GRAMD1B: variants seen among roughly 807,000 people sequenced by gnomAD.
The protein encoded by GRAMD1B is GRAM domain containing 1B, also known as protein Aster-B.
GRAMD1B carries 37 observed loss-of-function variants against 99.7 expected under a neutral mutation model. That is an observed-to-expected ratio of 0.37 (90% CI 0.29 to 0.49). The LOEUF (loss-of-function observed/expected upper bound fraction) is 0.49, where lower values mean the gene tolerates loss of function less well. Ranked by LOEUF, GRAMD1B falls within the 20% of genes least tolerant of loss-of-function variation. The pLI is 0.98. For synonymous variants in GRAMD1B, 427 were observed against 387.6 expected, an observed-to-expected ratio of 1.10 and a Z score of -1.19; for missense variants, 888 against 1,009.2, an observed-to-expected ratio of 0.88 and a Z score of 1.63.
At chr11:123,369,725 A>G (rs542039451) in intron 1 of GRAMD1B, among the ~76,000 whole-genome samples, 3 of 151,874 alleles carry the variant, frequency 2.0e-5, no homozygotes, top group East Asian at 3.9e-4. Context: ...TACAAAAATT[A>G]GCTGGGTGTG....
At chr11:123,586,657 C>T (rs950309807) in intron 4 of GRAMD1B, among the ~76,000 whole-genome samples, 11 of 152,186 alleles carry the variant, frequency 7.2e-5, no homozygotes, top group Non-Finnish European at 1.5e-4. Context: ...CCGCAGCACC[C>T]CTCCACAGCT....
intron 14 of GRAMD1B, among the ~76,000 whole-genome samples, 188 bp from the exon 15 acceptor site, chr11:123,612,573 A>G (rs1456578874): frequency 6.6e-6 from 1 of 152,190 alleles, no homozygotes; most frequent in Non-Finnish European, 1.5e-5. Context: ...TTTCTTATCT[A>G]TAAAATGGGG....
At chr11:123,454,979 T>C (rs1246374723) in intron 1 of GRAMD1B, 1 of 152,254 alleles carries the variant, frequency 6.6e-6, no homozygotes, top group Non-Finnish European at 1.5e-5. Flanking sequence ...AGAAATGCTT[T>C]AACTTGTTAT....
At chr11:123,369,037 G>A (rs1364130663) in intron 1 of GRAMD1B, among the ~76,000 whole-genome samples, 1 of 152,196 alleles carries the variant, frequency 6.6e-6, no homozygotes, top group Admixed American at 6.5e-5. Flanking sequence ...ACTCATACCT[G>A]TAATCCCAGC....
intron 2 of GRAMD1B, chr11:123,526,037 A>C: frequency 1.1e-6 from 1 of 888,156 alleles, no homozygotes; most frequent in South Asian, 1.4e-5. Flanking sequence ...GTCACATTAC[A>C]TGGGATTCTG....
At chr11:123,475,694 C>T (rs182640669) in intron 1 of GRAMD1B, among the ~76,000 whole-genome samples, 1 of 152,224 alleles carries the variant, frequency 6.6e-6, no homozygotes, top group South Asian at 2.1e-4. Flanking sequence ...TTCCAACAGA[C>T]AGTTTCATCT....
intron 2 of GRAMD1B, among the ~76,000 whole-genome samples, chr11:123,506,296 G>A (rs996734990): frequency 3.9e-5 from 6 of 152,104 alleles, no homozygotes; most frequent in African/African-American, 1.4e-4. Context: ...GTCCAGCCTC[G>A]GAGCTGTCCT....
intron 1 of GRAMD1B, among the ~76,000 whole-genome samples, chr11:123,463,258 C>T (rs540764446): frequency 1.3e-5 from 2 of 152,356 alleles, no homozygotes; most frequent in South Asian, 4.1e-4. Flanking sequence ...AGTGATCCAC[C>T]CGCCTTGGCT....
intron 1 of GRAMD1B, among the ~76,000 whole-genome samples, chr11:123,433,857 A>G (rs1202187540): frequency 6.6e-6 from 1 of 152,126 alleles, no homozygotes; most frequent in Admixed American, 6.6e-5. Context: ...ATTTGGGGAC[A>G]TATCCTTAAA....
chr11:123,481,976 G>T lies in GRAMD1B; in HGVS notation c.452+1083G>T, dbSNP rs549813726. Among the ~76,000 whole-genome samples the T allele has an allele frequency of 2.6e-5, 4 of 152,264 alleles. No homozygotes were observed. The South Asian group carries it at 8.3e-4, about 32-fold the overall frequency. On this transcript the variant is annotated intron_variant, in intron 2 of 19. Coordinates refer to ENST00000635736, the MANE Select transcript of GRAMD1B (RefSeq NM_001387025.1). ...ACTTATGGTGGACCCTCTGCTGAGA[G>T]GGGGTAGAGAACACCAAGGATGATA...
intron 1 of GRAMD1B, among the ~76,000 whole-genome samples, chr11:123,372,144 T>C (rs1020603720): frequency 6.6e-6 from 1 of 152,228 alleles, no homozygotes; most frequent in African/African-American, 2.4e-5. Flanking sequence ...GTTATTACAG[T>C]AGGAGACTAA....
intron 1 of GRAMD1B, among the ~76,000 whole-genome samples, chr11:123,446,952 A>T (rs1484065203): frequency 6.6e-6 from 1 of 151,998 alleles, no homozygotes. Context: ...AAAGAAAGGG[A>T]GAAAGAGAGA....
rs1955528358 is a variant in GRAMD1B, at chr11:123,626,739, G to A, written c.*4144G>A. On this transcript the variant is annotated 3_prime_UTR_variant, in exon 20 of 20. Transcript: ENST00000635736. ...ATCCCATTCACCACTTGACATCCTT[G>A]ACATCCTTGACTTTCATTCCCCCAA... 6.6e-6 allele frequency: 1 copy of A among 152,290 alleles called. No homozygotes were observed. The highest frequency in any genetic ancestry group is 2.4e-5 in the African/African-American group (1 of 41,436). The allele number at this position is 152,290 out of a possible 1,614,324, so 9.4% of individuals were successfully genotyped here. A position where few individuals can be genotyped will look rare whatever the true frequency, so the allele number is the denominator to read the frequency against.
chr11:123,598,102 C>A (rs986296249), intron 7 of GRAMD1B: 10 of 1,587,706 alleles, frequency 6.3e-6, no homozygotes, highest in Admixed American at 1.7e-5. Flanking sequence ...TAATCTGTGT[C>A]ACATTAGCAA....
In GRAMD1B at chr11:123,513,573, C is replaced by CT. The variant is rs1200134000; in HGVS notation, c.452+32682dup. ...CTTTCTTTCCTTCCTTCCTTCCTTC[C>CT]TTCCTTTCCTTCCTTCCTTCCTTCC... On this transcript the variant is annotated intron_variant, in intron 2 of 19. Transcript: ENST00000635736. Among the ~76,000 whole-genome samples, 743 of 95,154 alleles carry CT rather than the reference C, an allele frequency of 7.8e-3. 5 individuals carry two copies. The highest frequency in any genetic ancestry group is 0.02 in the African/African-American group (426 of 21,762). The allele number at this position is 95,154 out of a possible 152,430, so 62.4% of individuals were successfully genotyped here.
intron 1 of GRAMD1B, among the ~76,000 whole-genome samples, chr11:123,394,711 C>A (rs905718231): frequency 5.3e-5 from 8 of 152,146 alleles, no homozygotes; most frequent in Admixed American, 3.3e-4. Flanking sequence ...GCTGCTATAA[C>A]CGAATACCAC....
intron 1 of GRAMD1B, among the ~76,000 whole-genome samples, chr11:123,403,448 G>GATGATAATGATA (rs1251720908): frequency 2.2e-5 from 3 of 139,178 alleles, no homozygotes; most frequent in African/African-American, 8.1e-5. Context: ...TGATGATGAT[G>GATGATAATGATA]ATAATAATAA....
intron 19 of GRAMD1B, among the ~76,000 whole-genome samples, chr11:123,621,188 C>G (rs1404131788): frequency 1.3e-5 from 2 of 152,150 alleles, no homozygotes; most frequent in African/African-American, 4.8e-5. Context: ...GTAGATTAAG[C>G]AGAGAGACCA....
intron 1 of GRAMD1B, among the ~76,000 whole-genome samples, chr11:123,453,840 G>A (rs1159842836): frequency 2.0e-5 from 3 of 152,212 alleles, no homozygotes; most frequent in African/African-American, 7.2e-5. Context: ...CCCAAAGAGG[G>A]CTGAGCAATG....
Sources: allele counts gnomAD v4.1 joint callset (sites outside exome capture counted in the v4.1 genomes callset), GRCh38; gene constraint gnomAD v4.1.1; transcripts MANE v1.5; gene names NCBI Gene and HGNC (gene_info 2026-07-23, HGNC 2026-07-21).